CCDC146: variants seen among roughly 807,000 people sequenced by gnomAD.
CCDC146 encodes the protein coiled-coil domain containing 146, also known as coiled-coil domain-containing protein 146.
In CCDC146, 92 loss-of-function variants were observed where a neutral mutation model predicts 119.3. That is an observed-to-expected ratio of 0.77 (90% confidence interval 0.65 to 0.92). The LOEUF is 0.92. Ranked by LOEUF, CCDC146 falls within the 40% of genes least tolerant of loss-of-function variation. The pLI, the probability that CCDC146 is intolerant of heterozygous loss-of-function variation, is 0.00. For missense variants in CCDC146, 1,000 were observed against 1,103.0 expected (o/e 0.91, Z 1.32); for synonymous variants, 372 against 371.8 (o/e 1.00, Z -0.01).
chr7:77,240,657 A>G (rs6958247), intron 3 of CCDC146, among the ~76,000 whole-genome samples: 9,051 of 152,314 alleles, frequency 0.059, 703 homozygotes, highest in African/African-American at 0.18. Flanking sequence ...TTAAGTAAAC[A>G]TTTTATTTTG....
rs544156174 is a variant in CCDC146, at chr7:77,258,950, T to C, written c.685-45T>C. 872 of 1,302,234 alleles carry C rather than the reference T, an allele frequency of 6.7e-4. 13 individuals carry two copies. The South Asian group carries it at 0.01, about 15-fold the overall frequency. 80.7% of individuals were successfully genotyped at this position (1,302,234 alleles called of 1,614,324 possible). A position where few individuals can be genotyped will look rare whatever the true frequency, so the allele number is the denominator to read the frequency against. ...TTAATTTTCTTGTCTTAATTGCTTC[T>C]AGCCGAAGACCGCATAATTTAACAT... On this transcript the variant is annotated intron_variant, in intron 6 of 18. Coordinates refer to ENST00000285871, the MANE Select transcript of CCDC146 (RefSeq NM_020879.3).
chr7:77,150,241 T>C (rs1406486946), intron 1 of CCDC146, among the ~76,000 whole-genome samples: 4 of 151,686 alleles, frequency 2.6e-5, no homozygotes, highest in Non-Finnish European at 4.4e-5. Context: ...TCACCAAAAT[T>C]CAAAAGACAC....
intron 1 of CCDC146, among the ~76,000 whole-genome samples, chr7:77,155,845 G>A (rs375340826): frequency 1.3e-5 from 2 of 152,126 alleles, no homozygotes; most frequent in Non-Finnish European, 2.9e-5. Flanking sequence ...CATGTAAGGT[G>A]CTGCCCCATC....
intron 2 of CCDC146, among the ~76,000 whole-genome samples, chr7:77,174,332 G>A (rs1185407318): frequency 6.6e-6 from 1 of 152,182 alleles, no homozygotes; most frequent in African/African-American, 2.4e-5. Context: ...CCTTGAGAGG[G>A]TTGTGATGTT....
intron 2 of CCDC146, among the ~76,000 whole-genome samples, chr7:77,181,405 G>A (rs1791586816): frequency 6.6e-6 from 1 of 152,148 alleles, no homozygotes; most frequent in African/African-American, 2.4e-5. Flanking sequence ...TGTGCCCTCA[G>A]GAGGGAGGAG....
intron 4 of CCDC146, among the ~76,000 whole-genome samples, chr7:77,251,350 A>G (rs917411236): frequency 2.6e-5 from 4 of 151,800 alleles, no homozygotes; most frequent in African/African-American, 9.7e-5. Flanking sequence ...ATTTCTTAGA[A>G]TTTCCTTCTC....
chr7:77,211,018 A>G (rs1792172410), intron 2 of CCDC146, among the ~76,000 whole-genome samples: 1 of 152,224 alleles, frequency 6.6e-6, no homozygotes, highest in South Asian at 2.1e-4. Context: ...ATGCCAAACT[A>G]TATCAATCTT....
chr7:77,202,172 C>A (rs766374798), intron 2 of CCDC146, among the ~76,000 whole-genome samples: 1 of 152,234 alleles, frequency 6.6e-6, no homozygotes, highest in Non-Finnish European at 1.5e-5. Context: ...TAAATTGACT[C>A]TGCACCCTCT....
In CCDC146 at chr7:77,260,264, C is replaced by G. The variant is rs10243686; in HGVS notation, c.986+28C>G. 7,080 of 1,500,172 alleles carry G rather than the reference C, an allele frequency of 4.7e-3. 261 individuals carry two copies. In the African/African-American group the frequency reaches 0.085, roughly 18 times the overall value. 92.9% of individuals were successfully genotyped at this position (1,500,172 alleles called of 1,614,324 possible). ...TAGTTATATTTATGTATGTTATGTTCTGTCATCTAAATTTTTCTTCAATTT... is the reference window on the plus strand; with the variant it reads ...TAGTTATATTTATGTATGTTATGTTGTGTCATCTAAATTTTTCTTCAATTT... On this transcript the variant is annotated intron_variant, in intron 8 of 18. Coordinates refer to ENST00000285871, the MANE Select transcript of CCDC146 (RefSeq NM_020879.3).
At chr7:77,185,785 T>C (rs1343212696) in intron 2 of CCDC146, among the ~76,000 whole-genome samples, 4 of 152,236 alleles carry the variant, frequency 2.6e-5, no homozygotes, top group Admixed American at 6.5e-5. Context: ...GAAACAGAGA[T>C]ATGTAACCTT....
chr7:77,218,708 C>T (rs1252661546), intron 2 of CCDC146, among the ~76,000 whole-genome samples: 1 of 151,690 alleles, frequency 6.6e-6, no homozygotes, highest in Non-Finnish European at 1.5e-5. Context: ...AAGTGATCCT[C>T]CTATGTCAGC....
At chr7:77,240,055 G>A (rs1375103748) in intron 3 of CCDC146, among the ~76,000 whole-genome samples, 3 of 152,096 alleles carry the variant, frequency 2.0e-5, no homozygotes, top group African/African-American at 7.2e-5. Context: ...CATTAGAAAA[G>A]TTTCTGTTTT....
rs144201428 is a variant in CCDC146 at position 77,236,789 on chromosome 7, T to G, written c.157-158T>G. 5.9e-5 allele frequency among the ~76,000 whole-genome samples: 9 copies of G among 152,342 alleles called. No individual in the cohort carries two copies. The East Asian group carries it at 1.7e-3, about 29-fold the overall frequency. The stretch of plus-strand genomic sequence containing the variant: ...GGGCAGAATAGAACTAGCACTATTT[T>G]CTCCAAACACCTGGCATGTTTCCAG... On this transcript the variant is annotated intron_variant, in intron 2 of 18. Coordinates refer to ENST00000285871, the MANE Select transcript of CCDC146 (RefSeq NM_020879.3).
chr7:77,225,664 C>A (rs1426264870), intron 2 of CCDC146, among the ~76,000 whole-genome samples: 2 of 152,026 alleles, frequency 1.3e-5, no homozygotes, highest in Non-Finnish European at 2.9e-5. Context: ...GAAGTAGGGC[C>A]GTGCGTGGTG....
At chr7:77,164,756 A>G (rs1791316497) in intron 1 of CCDC146, among the ~76,000 whole-genome samples, 1 of 152,224 alleles carries the variant, frequency 6.6e-6, no homozygotes, top group Non-Finnish European at 1.5e-5. Flanking sequence ...TAATGAATAA[A>G]TGATATGTCT....
In CCDC146 at chr7:77,167,778, G is replaced by C. The variant is rs71555979; in HGVS notation, c.110G>C (p.Arg37Pro). Residue 37 changes from arginine to proline, a missense_variant, in exon 2 of 19, where the codon CGG becomes CCG. Transcript: ENST00000285871. ...IVPTINIQDE[R>P]FVDLSETPAF... The stretch of plus-strand genomic sequence containing the variant: ...CCCACAATTAACATTCAAGATGAGC[G>C]GTTTGTTGATTTATCTGAAACTCCA... 213 of 1,609,654 alleles carry C rather than the reference G, an allele frequency of 1.3e-4. No individual in the cohort carries two copies. Among genetic ancestry groups the C allele is most frequent in the Middle Eastern group, 3.3e-4 (2 of 6,074 alleles).
At chr7:77,290,449 A>G (rs1793924634) in intron 17 of CCDC146, among the ~76,000 whole-genome samples, 1 of 152,248 alleles carries the variant, frequency 6.6e-6, no homozygotes, top group South Asian at 2.1e-4. Context: ...CTCCCCCCAA[A>G]GATAAGGAAA....
chr7:77,161,643 G>A (rs898161762), intron 1 of CCDC146, among the ~76,000 whole-genome samples: 6 of 114,794 alleles, frequency 5.2e-5, no homozygotes, highest in Non-Finnish European at 8.6e-5. Context: ...GTTGTGGGGT[G>A]GGGGGAGGGG....
At position 77,295,085 on chromosome 7, in the gene CCDC146, A is replaced by C; in HGVS notation, c.*219A>C. ...ATAGAACTGTCCTACATTTATGTCA[A>C]AGTATATATTTGAATCGCTTATATT... On this transcript the variant is annotated 3_prime_UTR_variant, in exon 19 of 19. Transcript: ENST00000285871. 1 of 507,852 alleles carries C rather than the reference A, an allele frequency of 2.0e-6. No homozygotes were observed. Among genetic ancestry groups the C allele is most frequent in the Non-Finnish European group, 3.5e-6 (1 of 287,122 alleles). 31.5% of individuals were successfully genotyped at this position (507,852 alleles called of 1,614,324 possible). A position where few individuals can be genotyped will look rare whatever the true frequency, so the allele number is the denominator to read the frequency against.
Sources: allele counts gnomAD v4.1 joint callset (sites outside exome capture counted in the v4.1 genomes callset), GRCh38; gene constraint gnomAD v4.1.1; transcripts MANE v1.5; gene names NCBI Gene and HGNC (gene_info 2026-07-23, HGNC 2026-07-21).